TSNARE1: variants seen among roughly 807,000 people sequenced by gnomAD.
TSNARE1 encodes the protein t-SNARE domain-containing protein 1.
TSNARE1 carries 49 observed loss-of-function variants against 62.0 expected under a neutral mutation model. The observed-to-expected ratio is 0.79, with a 90% CI of 0.63 to 1.00. The LOEUF is 1.00. Ranked by LOEUF, TSNARE1 falls within the 50% of genes least tolerant of loss-of-function variation. TSNARE1 has a pLI of 0.00. For missense variants in TSNARE1, 755 were observed against 700.1 expected, an observed-to-expected ratio of 1.08 and a Z score of -0.88; for synonymous variants, 328 against 294.4, an observed-to-expected ratio of 1.11 and a Z score of -1.17.
At chr8:142,295,953 T>A (rs1824604063) in intron 10 of TSNARE1, among the ~76,000 whole-genome samples, 2 of 120,728 alleles carry the variant, frequency 1.7e-5, no homozygotes, top group African/African-American at 6.6e-5. Context: ...GGCCTAGCAC[T>A]GGGGGCTGGC....
intron 2 of TSNARE1, among the ~76,000 whole-genome samples, chr8:142,348,691 C>T (rs1156624808): frequency 6.6e-6 from 1 of 151,166 alleles, no homozygotes; most frequent in African/African-American, 2.4e-5. Flanking sequence ...GGCGTGTCGA[C>T]ATTTTCTTTT....
chr8:142,213,927 C>T (rs1269680757), intron 13 of TSNARE1, among the ~76,000 whole-genome samples: 2 of 152,162 alleles, frequency 1.3e-5, no homozygotes, highest in Non-Finnish European at 2.9e-5. Context: ...CCCCAAAAGG[C>T]ACCCGGTGCT....
intron 10 of TSNARE1, among the ~76,000 whole-genome samples, chr8:142,284,801 G>T (rs78292219): frequency 0.019 from 2,966 of 152,294 alleles, 34 homozygotes; most frequent in East Asian, 0.039. Context: ...CTGCTTCCCT[G>T]AGTACAGAGG....
At chr8:142,215,324 C>T (rs954333453) in intron 13 of TSNARE1, among the ~76,000 whole-genome samples, 2 of 152,180 alleles carry the variant, frequency 1.3e-5, no homozygotes, top group African/African-American at 2.4e-5. Context: ...TGGTGCTCAG[C>T]GTGCCCCTCA....
intron 12 of TSNARE1, among the ~76,000 whole-genome samples, chr8:142,262,286 T>C (rs965101428): frequency 6.6e-6 from 1 of 152,050 alleles, no homozygotes; most frequent in Non-Finnish European, 1.5e-5. Flanking sequence ...GATTTGGGAA[T>C]TGGCAGCTTT....
Position 142,213,889 on chromosome 8 carries a change from C to T in TSNARE1, c.*12-1576G>A, listed in dbSNP as rs943514441. 4.6e-5 allele frequency among the ~76,000 whole-genome samples: 7 copies of T among 152,242 alleles called. No homozygotes were observed. The East Asian group carries it at 1.4e-3, about 29-fold the overall frequency. ...GGCTCCCCATCAGAGCCCAGCCCCC[C>T]AGGAAGCCCTGGCCTTTCCAGGATT... On this transcript the variant is annotated intron_variant, in intron 13 of 13. Coordinates refer to ENST00000524325, the MANE Select transcript of TSNARE1 (RefSeq NM_145003.5).
rs758564174 is a variant in TSNARE1 at position 142,318,508 on chromosome 8, T to C, written c.984+36A>G. On this transcript the variant is annotated intron_variant, in intron 7 of 13. Coordinates refer to ENST00000524325, the MANE Select transcript of TSNARE1 (RefSeq NM_145003.5). ...CATCACAGGCAGAGGGGTCCATTCC[T>C]CTCCTCCCTCCCAGCCCCAGACCCC... The C allele has an allele frequency of 4.4e-6, 7 of 1,595,220 alleles. No individual in the cohort carries two copies. The South Asian group carries it at 7.7e-5, about 18-fold the overall frequency.
chr8:142,318,392 G>A (rs529581854), intron 7 of TSNARE1, 152 bp downstream of exon 7: 59 of 759,064 alleles, frequency 7.8e-5, no homozygotes, highest in South Asian at 5.1e-4. Flanking sequence ...TCTGAGCCAT[G>A]GAGCCATGGG....
In TSNARE1 at chr8:142,291,780, G is replaced by C. The variant is rs1017398236; in HGVS notation, c.1291-7295C>G. Among the ~76,000 whole-genome samples, 1 of 152,130 alleles carries C rather than the reference G, an allele frequency of 6.6e-6. No individual in the cohort carries two copies. Among genetic ancestry groups the C allele is most frequent in the Non-Finnish European group, 1.5e-5 (1 of 68,022 alleles). ...GGAGTCAGGGCCTGCCAGTGAAAGGGAGCCAGCGGCTCAGGCGTCAGGCAT... is the reference window on the plus strand; with the variant it reads ...GGAGTCAGGGCCTGCCAGTGAAAGGCAGCCAGCGGCTCAGGCGTCAGGCAT... On this transcript the variant is annotated intron_variant, in intron 10 of 13. Coordinates refer to ENST00000524325, the MANE Select transcript of TSNARE1 (RefSeq NM_145003.5). This position sits in a 1 kb window ranked among gnomAD's most constrained non-coding sequence, Gnocchi z 4.8.
chr8:142,346,433 C>T (rs905459478), intron 2 of TSNARE1, among the ~76,000 whole-genome samples: 6 of 152,266 alleles, frequency 3.9e-5, no homozygotes, highest in African/African-American at 1.2e-4. Context: ...CGGAACGCAT[C>T]GTAATTTTCT....
intron 12 of TSNARE1, chr8:142,270,565 C>T (rs1819441080): frequency 1.0e-6 from 1 of 984,924 alleles, no homozygotes; most frequent in Admixed American, 6.2e-5. Context: ...TGTGGTTCCC[C>T]TGGGCCAGAA....
intron 6 of TSNARE1, among the ~76,000 whole-genome samples, chr8:142,329,300 T>C (rs1314570285): frequency 6.6e-5 from 10 of 152,136 alleles, no homozygotes. Flanking sequence ...GGTGCCGGGA[T>C]ACTCGGTCCT....
intron 1 of TSNARE1, among the ~76,000 whole-genome samples, chr8:142,378,414 G>A (rs191914090): frequency 9.8e-5 from 15 of 152,336 alleles, no homozygotes; most frequent in Admixed American, 9.8e-4. Context: ...TTCGTGGCAC[G>A]AGCAAAGACA....
chr8:142,277,020 C>T (rs906037823), intron 11 of TSNARE1: 3 of 985,424 alleles, frequency 3.0e-6, no homozygotes, highest in East Asian at 1.1e-4. Flanking sequence ...GCGTGTTGCT[C>T]GTGGGGTGAG....
At chr8:142,298,310 C>T (rs182299296) in intron 10 of TSNARE1, among the ~76,000 whole-genome samples, 2 of 152,360 alleles carry the variant, frequency 1.3e-5, no homozygotes, top group East Asian at 3.9e-4. Context: ...CAGAGGGAAC[C>T]CGGGGCCAGG....
intron 4 of TSNARE1, among the ~76,000 whole-genome samples, chr8:142,337,753 C>G (rs549644290): frequency 6.6e-6 from 1 of 152,362 alleles, no homozygotes; most frequent in Non-Finnish European, 1.5e-5. Flanking sequence ...CGCTTCCAGC[C>G]CCGACTGGGC....
chr8:142,370,257 A>G (rs1201414874), intron 1 of TSNARE1, among the ~76,000 whole-genome samples: 2 of 152,172 alleles, frequency 1.3e-5, no homozygotes, highest in Non-Finnish European at 2.9e-5. Flanking sequence ...CTGAGACAGT[A>G]TCATCCCACA....
chr8:142,389,037 A>T (rs1053736588), intron 1 of TSNARE1, among the ~76,000 whole-genome samples: 11 of 152,248 alleles, frequency 7.2e-5, no homozygotes, highest in African/African-American at 2.7e-4. Flanking sequence ...CAGCATGGTG[A>T]TGACATAAAA....
At chr8:142,259,210 C>T (rs1381374124) in intron 12 of TSNARE1, among the ~76,000 whole-genome samples, 2 of 152,238 alleles carry the variant, frequency 1.3e-5, no homozygotes, top group Admixed American at 6.5e-5. Flanking sequence ...CCCCAACTCC[C>T]GTGACTGCTG....
Sources: allele counts gnomAD v4.1 joint callset (sites outside exome capture counted in the v4.1 genomes callset), GRCh38; gene constraint gnomAD v4.1.1; non-coding constraint Gnocchi (gnomAD v3.1); transcripts MANE v1.5; gene names NCBI Gene and HGNC (gene_info 2026-07-23, HGNC 2026-07-21).